LNPEP: variants seen among roughly 807,000 people sequenced by gnomAD.
LNPEP encodes the protein leucyl-cystinyl aminopeptidase.
LNPEP carries 64 observed loss-of-function variants against 120.6 expected under a neutral mutation model. That is an observed-to-expected ratio of 0.53 (90% CI 0.43 to 0.65). LNPEP has a LOEUF of 0.65. LNPEP is among the 30% of genes least tolerant of loss of function. The pLI, the probability that LNPEP is intolerant of heterozygous loss-of-function variation, is 0.00. For missense variants in LNPEP, 1,057 were observed against 1,200.0 expected, an observed-to-expected ratio of 0.88 and a Z score of 1.76; for synonymous variants, 435 against 425.4, an observed-to-expected ratio of 1.02 and a Z score of -0.28.
intron 4 of LNPEP, among the ~76,000 whole-genome samples, chr5:96,992,252 G>A (rs56003936): frequency 0.037 from 5,708 of 152,264 alleles, 184 homozygotes; most frequent in Middle Eastern, 0.11. Context: ...TGAATGGGCA[G>A]TGGGAGACAT....
intron 11 of LNPEP, chr5:97,010,219 A>T (rs1790892899): frequency 2.2e-6 from 2 of 916,862 alleles, no homozygotes; most frequent in Non-Finnish European, 1.3e-6. Context: ...TTTCTTATCC[A>T]CATTTTACTC....
intron 9 of LNPEP, among the ~76,000 whole-genome samples, chr5:97,005,799 T>TA (rs1335757074): frequency 6.6e-6 from 1 of 152,192 alleles, no homozygotes; most frequent in Non-Finnish European, 1.5e-5. Context: ...AGTTGGTTGA[T>TA]ATATGTGCCA....
intron 16 of LNPEP, 103 bp downstream of exon 16, chr5:97,026,860 G>A: frequency 1.1e-6 from 1 of 894,220 alleles, no homozygotes; most frequent in East Asian, 2.4e-5. Context: ...TGCTGTGAGA[G>A]GAAAAATACT....
In LNPEP at chr5:97,032,154, G is replaced by A. The variant is rs1419229483; in HGVS notation, c.*3621G>A. The A allele has an allele frequency of 6.6e-6, 1 of 152,120 alleles. No individual in the cohort carries two copies. 9.4% of individuals were successfully genotyped at this position (152,120 alleles called of 1,614,324 possible). A position where few individuals can be genotyped will look rare whatever the true frequency, so the allele number is the denominator to read the frequency against. The stretch of plus-strand genomic sequence containing the variant: ...TTACTTAGGCCTCTCTAAAAACTGA[G>A]GCCATGGATATGACATAGCTTTTCT... On this transcript the variant is annotated 3_prime_UTR_variant, in exon 18 of 18. Coordinates refer to ENST00000231368, the MANE Select transcript of LNPEP (RefSeq NM_005575.3).
intron 1 of LNPEP, among the ~76,000 whole-genome samples, chr5:96,961,873 T>C (rs553476202): frequency 3.3e-5 from 5 of 152,292 alleles, no homozygotes; most frequent in African/African-American, 1.2e-4. Context: ...ACAGACTAAC[T>C]GTATTTGGAT....
At chr5:96,964,385 C>T (rs755261067) in intron 1 of LNPEP, among the ~76,000 whole-genome samples, 5 of 151,414 alleles carry the variant, frequency 3.3e-5, no homozygotes, top group South Asian at 4.2e-4. Context: ...CCCAACATAC[C>T]GACAACTCCA....
At position 97,030,620 on chromosome 5, in the gene LNPEP, C is replaced by CTGTG. The variant is rs3836860; in HGVS notation, c.*2133_*2136dup. 2,031 of 126,278 alleles carry CTGTG rather than the reference C, an allele frequency of 0.016. 27 individuals carry two copies. Among genetic ancestry groups the CTGTG allele is most frequent in the Non-Finnish European group, 0.021 (1,235 of 59,424 alleles). 7.8% of individuals were successfully genotyped at this position (126,278 alleles called of 1,614,324 possible). A position where few individuals can be genotyped will look rare whatever the true frequency, so the allele number is the denominator to read the frequency against. On this transcript the variant is annotated 3_prime_UTR_variant, in exon 18 of 18. Coordinates refer to ENST00000231368, the MANE Select transcript of LNPEP (RefSeq NM_005575.3). ...CATTTCTCTCCCTCTCTCTCTCTCTCTGTGTGTGTGTGTGTGTGTGTGTGT... is the reference window on the plus strand; with the variant it reads ...CATTTCTCTCCCTCTCTCTCTCTCTCTGTGTGTGTGTGTGTGTGTGTGTGTGTGT...
chr5:96,987,903 C>T (rs774504937), intron 4 of LNPEP, among the ~76,000 whole-genome samples: 2 of 152,104 alleles, frequency 1.3e-5, no homozygotes, highest in Non-Finnish European at 2.9e-5. Context: ...CCTAAGAAGC[C>T]CAATCTAAAA....
chr5:96,962,955 T>TCA (rs1424869299), intron 1 of LNPEP, among the ~76,000 whole-genome samples: 2 of 152,088 alleles, frequency 1.3e-5, no homozygotes, highest in Non-Finnish European at 2.9e-5. Context: ...TCCTATGAAG[T>TCA]CACGTACAAC....
intron 11 of LNPEP, chr5:97,010,677 G>A (rs768911700): frequency 3.2e-5 from 32 of 985,060 alleles, no homozygotes; most frequent in Admixed American, 1.8e-4. Flanking sequence ...TACTTCATCT[G>A]GGCTTCTGCC....
At chr5:96,974,166 C>G (rs1789936782) in intron 1 of LNPEP, among the ~76,000 whole-genome samples, 1 of 152,116 alleles carries the variant, frequency 6.6e-6, no homozygotes, top group African/African-American at 2.4e-5. Flanking sequence ...CCTTCTCAGT[C>G]ATGCTTGTCT....
chr5:96,959,764 G>A (rs1789553965), intron 1 of LNPEP, among the ~76,000 whole-genome samples: 1 of 152,000 alleles, frequency 6.6e-6, no homozygotes, highest in Non-Finnish European at 1.5e-5. Context: ...TTGAGTATCT[G>A]AGGATTTTCT....
At chr5:97,022,995 A>G (rs1459956180) in intron 14 of LNPEP, among the ~76,000 whole-genome samples, 2 of 151,318 alleles carry the variant, frequency 1.3e-5, no homozygotes, top group African/African-American at 2.4e-5. Flanking sequence ...TATTCACATT[A>G]TTGTGTACTA....
chr5:96,936,264 G>A (rs1788864370), intron 1 of LNPEP, 90 bp downstream of exon 1: 1 of 1,132,556 alleles, frequency 8.8e-7, no homozygotes, highest in African/African-American at 1.6e-5. Flanking sequence ...GGCTGCAGCC[G>A]TCTCCCCCAA....
rs746068881 is a variant in LNPEP, at chr5:97,027,824, A to G, written c.2946+10A>G. ...GACACATTTATCTGAGGTTGGTTTT[A>G]TAAAATGATAATACAGAGACTGGGC... On this transcript the variant is annotated intron_variant, in intron 17 of 17. Coordinates refer to ENST00000231368, the MANE Select transcript of LNPEP (RefSeq NM_005575.3). 18 of 1,534,450 alleles carry G rather than the reference A, an allele frequency of 1.2e-5. No homozygotes were observed. The highest frequency in any genetic ancestry group is 1.7e-4 in the Middle Eastern group (1 of 5,934).
intron 15 of LNPEP, among the ~76,000 whole-genome samples, chr5:97,026,293 A>G (rs1791337349): frequency 6.6e-6 from 1 of 152,154 alleles, no homozygotes; most frequent in Non-Finnish European, 1.5e-5. Flanking sequence ...TTCAAATCAA[A>G]TAAGGTTTTT....
chr5:96,954,772 A>ATATTTTTTTT (rs1275200137), intron 1 of LNPEP, among the ~76,000 whole-genome samples: 3 of 27,110 alleles, frequency 1.1e-4, no homozygotes, highest in African/African-American at 1.5e-4. Context: ...ATATATATAT[A>ATATTTTTTTT]TTTTTTTTTT....
intron 11 of LNPEP, chr5:97,010,523 G>A (rs1436142653): frequency 1.0e-6 from 1 of 984,416 alleles, no homozygotes; most frequent in Admixed American, 6.1e-5. Context: ...TATGATGCTA[G>A]CCCTCTGGAG....
rs758806640 is a variant in LNPEP at position 97,024,481 on chromosome 5, A to T, written c.2562-40A>T. The T allele has an allele frequency of 1.9e-6, 3 of 1,587,704 alleles. No individual in the cohort carries two copies. The East Asian group carries it at 6.7e-5, about 36-fold the overall frequency. The stretch of plus-strand genomic sequence containing the variant: ...AACTCTTCGCCTTTGTATTCAGAAT[A>T]TTTTCTTGTTATTCTCATGTTTGAC... On this transcript the variant is annotated intron_variant, in intron 14 of 17. Transcript: ENST00000231368.
Sources: allele counts gnomAD v4.1 joint callset (sites outside exome capture counted in the v4.1 genomes callset), GRCh38; gene constraint gnomAD v4.1.1; transcripts MANE v1.5; gene names NCBI Gene and HGNC (gene_info 2026-07-23, HGNC 2026-07-21).